PTPRU: variants seen among roughly 807,000 people sequenced by gnomAD.
PTPRU encodes protein tyrosine phosphatase receptor type U.
PTPRU carries 69 observed loss-of-function variants against 166.3 expected under a neutral mutation model. The observed-to-expected ratio is 0.41, with a 90% CI of 0.34 to 0.51. The LOEUF is 0.51. PTPRU is among the 20% of genes least tolerant of loss of function. PTPRU has a pLI of 0.09. For synonymous variants in PTPRU, 793 were observed against 814.0 expected (o/e 0.97, Z 0.44); for missense variants, 1,657 against 2,013.7 (o/e 0.82, Z 3.39).
chr1:29,312,760 G>A, intron 22 of PTPRU, 54 bp downstream of exon 22: 1 of 1,552,396 alleles, frequency 6.4e-7, no homozygotes, highest in Non-Finnish European at 8.8e-7. Context: ...CTGGGAATTT[G>A]GGCTTGGGGT....
rs1462306317 is a variant in PTPRU at position 29,326,584 on chromosome 1, G to A, written c.*923G>A. 6.6e-6 allele frequency: 1 copy of A among 152,510 alleles called. No homozygotes were observed. Among genetic ancestry groups the A allele is most frequent in the Non-Finnish European group, 1.5e-5 (1 of 68,066 alleles). 9.4% of individuals were successfully genotyped at this position (152,510 alleles called of 1,614,324 possible). A position where few individuals can be genotyped will look rare whatever the true frequency, so the allele number is the denominator to read the frequency against. On this transcript the variant is annotated 3_prime_UTR_variant, in exon 30 of 30. Transcript: ENST00000373779. ...ATACCCTCTGGAGTTCAGAGGAAGA[G>A]GTAGGACCAGTGCTTTTTTGTTTCT...
intron 8 of PTPRU, 61 bp downstream of exon 8, chr1:29,275,817 G>A: frequency 6.5e-7 from 1 of 1,545,330 alleles, no homozygotes; most frequent in Non-Finnish European, 8.8e-7. Flanking sequence ...CGCCATGTCT[G>A]AGACTGAAAT....
chr1:29,325,170 G>A, intron 28 of PTPRU, 21 bp from the exon 29 acceptor site: 2 of 1,614,034 alleles, frequency 1.2e-6, no homozygotes, highest in South Asian at 1.1e-5. Flanking sequence ...CCGCCCCTCA[G>A]CTTTTGCATC....
intron 3 of PTPRU, 149 bp from the exon 4 acceptor site, chr1:29,259,112 C>T (rs906621685): frequency 1.1e-6 from 1 of 921,260 alleles, no homozygotes; most frequent in Non-Finnish European, 1.6e-6. Flanking sequence ...CCACCCCCAA[C>T]TAGCTGGCTT....
At chr1:29,310,485 A>G (rs908218275) in intron 18 of PTPRU, among the ~76,000 whole-genome samples, 1 of 152,098 alleles carries the variant, frequency 6.6e-6, no homozygotes, top group Non-Finnish European at 1.5e-5. Context: ...CTAGGCACAT[A>G]AAGGAGTCAT....
chr1:29,311,140 T>G lies in PTPRU; in HGVS notation c.2858-316T>G, dbSNP rs1278967465. 6.6e-6 allele frequency among the ~76,000 whole-genome samples: 1 copy of G among 152,154 alleles called. No individual in the cohort carries two copies. The highest frequency in any genetic ancestry group is 1.9e-4 in the East Asian group (1 of 5,184). On this transcript the variant is annotated intron_variant, in intron 19 of 29. Coordinates refer to ENST00000373779, the MANE Select transcript of PTPRU (RefSeq NM_133178.4). The surrounding 1 kb of genome is among the most constrained non-coding windows in gnomAD (Gnocchi z 4.1). The stretch of plus-strand genomic sequence containing the variant: ...TCTGGTGGCTGCCTGGATTCTTCTG[T>G]TTGCATCCCTTTCCACGACTGTCCA...
intron 3 of PTPRU, 41 bp downstream of exon 3, chr1:29,258,817 T>C (rs1402604428): frequency 5.9e-6 from 9 of 1,527,030 alleles, no homozygotes; most frequent in Non-Finnish European, 7.9e-6. Context: ...TGCCTGGAGG[T>C]GGGGCAGATG....
chr1:29,311,417 C>A lies in PTPRU; in HGVS notation c.2858-39C>A. ...GGATGTGCTGACCTGGGGTGGAGAC[C>A]TTGTCTCAGGGACAGGCACCCTCTG... is the stretch of plus-strand genomic sequence containing the variant. On this transcript the variant is annotated intron_variant, in intron 19 of 29. Coordinates refer to ENST00000373779, the MANE Select transcript of PTPRU (RefSeq NM_133178.4). The surrounding 1 kb of genome is among the most constrained non-coding windows in gnomAD (Gnocchi z 4.1). 6.2e-7 allele frequency: 1 copy of A among 1,603,890 alleles called. No individual in the cohort carries two copies. The highest frequency in any genetic ancestry group is 8.5e-7 in the Non-Finnish European group (1 of 1,172,296).
chr1:29,288,233 A>G (rs1419484693), intron 14 of PTPRU, among the ~76,000 whole-genome samples: 2 of 152,168 alleles, frequency 1.3e-5, no homozygotes, highest in Non-Finnish European at 2.9e-5. Flanking sequence ...TGGGATTACA[A>G]TGTGTGGGGC....
intron 5 of PTPRU, 22 bp downstream of exon 5, chr1:29,259,586 G>A: frequency 6.4e-7 from 1 of 1,552,692 alleles, no homozygotes; most frequent in Non-Finnish European, 8.7e-7. Flanking sequence ...CGGTGATCTT[G>A]GCTGGGGGCG....
At position 29,317,933 on chromosome 1, in the gene PTPRU, G is replaced by A. The variant is rs1339807140; in HGVS notation, c.3687+12G>A. Reference sequence around the variant, plus strand: ...CAGCCCTGACTGACGTGAGAGCTTGGGGTGGAGTGGGCTCTGGGGCTCCCC... The same window carrying A: ...CAGCCCTGACTGACGTGAGAGCTTGAGGTGGAGTGGGCTCTGGGGCTCCCC... On this transcript the variant is annotated intron_variant, in intron 25 of 29. Transcript: ENST00000373779. The surrounding 1 kb of genome is among the most constrained non-coding windows in gnomAD (Gnocchi z 5.6). The A allele has an allele frequency of 6.2e-7, 1 of 1,613,136 alleles. No individual in the cohort carries two copies.
intron 8 of PTPRU, among the ~76,000 whole-genome samples, chr1:29,278,596 C>T (rs540726556): frequency 6.6e-6 from 1 of 152,136 alleles, no homozygotes; most frequent in Admixed American, 6.5e-5. Context: ...GAGAAAATAT[C>T]GCCACCCATA....
intron 1 of PTPRU, among the ~76,000 whole-genome samples, chr1:29,243,874 T>C (rs1161825299): frequency 2.0e-5 from 3 of 152,148 alleles, no homozygotes; most frequent in Admixed American, 1.3e-4. Flanking sequence ...TGGCTATGCC[T>C]CCTCCTCTGG....
chr1:29,325,396 C>T, intron 29 of PTPRU, 70 bp downstream of exon 29: 1 of 1,565,742 alleles, frequency 6.4e-7, no homozygotes, highest in Non-Finnish European at 8.8e-7. Context: ...TTCCTTAGCA[C>T]CCACTCTCCC....
Position 29,280,816 on chromosome 1 carries a change from C to T in PTPRU, c.1868+675C>T, listed in dbSNP as rs539928059. ...GTGAGGGTGTTTGTGCAACTGTGTGCACGTACTGTTAGCCAGACCCCGTGC... is the reference window on the plus strand; with the variant it reads ...GTGAGGGTGTTTGTGCAACTGTGTGTACGTACTGTTAGCCAGACCCCGTGC... On this transcript the variant is annotated intron_variant, in intron 11 of 29. Coordinates refer to ENST00000373779, the MANE Select transcript of PTPRU (RefSeq NM_133178.4). The surrounding 1 kb of genome is among the most constrained non-coding windows in gnomAD (Gnocchi z 4.2). 2.6e-5 allele frequency among the ~76,000 whole-genome samples: 4 copies of T among 152,030 alleles called. No individual in the cohort carries two copies. The East Asian group carries it at 7.7e-4, about 29-fold the overall frequency.
chr1:29,240,002 C>T (rs1683968025), intron 1 of PTPRU, among the ~76,000 whole-genome samples: 1 of 152,162 alleles, frequency 6.6e-6, no homozygotes, highest in African/African-American at 2.4e-5. Flanking sequence ...TGTGTCACTG[C>T]CCCTTGCATC....
intron 7 of PTPRU, among the ~76,000 whole-genome samples, chr1:29,274,640 T>C (rs1266433612): frequency 6.6e-6 from 1 of 152,234 alleles, no homozygotes; most frequent in Non-Finnish European, 1.5e-5. Flanking sequence ...TTACTATACA[T>C]TGTTTCAGAA....
At chr1:29,268,006 AG>A (rs1302620825) in intron 7 of PTPRU, among the ~76,000 whole-genome samples, 1 of 152,232 alleles carries the variant, frequency 6.6e-6, no homozygotes, top group African/African-American at 2.4e-5. Context: ...AAAGGGAAAT[AG>A]AAGTCAAGGA....
intron 13 of PTPRU, 103 bp downstream of exon 13, chr1:29,284,079 G>A: frequency 1.4e-6 from 2 of 1,469,428 alleles, no homozygotes; most frequent in Non-Finnish European, 1.9e-6. Context: ...AGTAGAGGAG[G>A]GTGGTTGGGC....
Sources: gnomAD v4.1 joint callset for allele counts (sites outside exome capture counted in the v4.1 genomes callset) on GRCh38, gnomAD v4.1.1 for gene constraint, Gnocchi (gnomAD v3.1) non-coding constraint, MANE v1.5 for transcripts, NCBI Gene and HGNC (gene_info 2026-07-23, HGNC 2026-07-21) for gene names.